The following SOX5 variants were observed in gnomAD, a reference collection of about 807,000 sequenced individuals.
SOX5 encodes the protein SRY-box transcription factor 5.
A neutral mutation model predicts 92.0 loss-of-function variants in SOX5; 9 were observed. That is an observed-to-expected ratio of 0.10 (90% CI 0.06 to 0.17). The LOEUF (loss-of-function observed/expected upper bound fraction) is 0.17, where lower values mean the gene tolerates loss of function less well. Ranked by LOEUF, SOX5 falls within the 10% of genes least tolerant of loss-of-function variation. SOX5 has a pLI of 1.00. For missense variants in SOX5, 642 were observed against 944.5 expected (o/e 0.68, Z 4.20); for synonymous variants, 344 against 336.3 (o/e 1.02, Z -0.25).
intron 1 of SOX5, among the ~76,000 whole-genome samples, chr12:23,947,088 G>A (rs1405453626): frequency 6.6e-6 from 1 of 151,794 alleles, no homozygotes. Flanking sequence ...TCTACAGGCT[G>A]GGAAGAATAA....
chr12:23,863,568 C>T (rs2096778833), intron 2 of SOX5, among the ~76,000 whole-genome samples: 1 of 152,048 alleles, frequency 6.6e-6, no homozygotes, highest in Non-Finnish European at 1.5e-5. Flanking sequence ...TTTTACTAAC[C>T]TTACTCAATT....
chr12:24,220,191 T>A (rs1481039524), intron 3 of SOX5, among the ~76,000 whole-genome samples: 3 of 152,028 alleles, frequency 2.0e-5, no homozygotes, highest in Non-Finnish European at 4.4e-5. Flanking sequence ...GTGAGATGAT[T>A]TATACTAGAT....
intron 3 of SOX5, among the ~76,000 whole-genome samples, chr12:23,769,590 G>T (rs1473482873): frequency 6.6e-6 from 1 of 152,080 alleles, no homozygotes; most frequent in Non-Finnish European, 1.5e-5. Context: ...ACATCTGTTT[G>T]TCATATACAA....
chr12:24,362,049 G>A (rs1357200028), intron 2 of SOX5, among the ~76,000 whole-genome samples: 1 of 152,200 alleles, frequency 6.6e-6, no homozygotes, highest in African/African-American at 2.4e-5. Flanking sequence ...TGACCTTTCT[G>A]TCCTATTTCC....
chr12:23,725,854 C>T (rs972115629), intron 6 of SOX5, among the ~76,000 whole-genome samples: 1 of 152,024 alleles, frequency 6.6e-6, no homozygotes, highest in African/African-American at 2.4e-5. Context: ...AAAAGTATTA[C>T]AAAAATATGG....
At chr12:24,394,324 A>G (rs1413779333) in intron 1 of SOX5, among the ~76,000 whole-genome samples, 2 of 152,162 alleles carry the variant, frequency 1.3e-5, no homozygotes, top group Non-Finnish European at 2.9e-5. Flanking sequence ...CCAGGTACAT[A>G]TTAGTTTCCC....
intron 14 of SOX5, among the ~76,000 whole-genome samples, 182 bp from the exon 15 acceptor site, chr12:23,534,704 C>CTTTTTTTTTTTT (rs60460683): frequency 1.8e-5 from 2 of 108,828 alleles, no homozygotes; most frequent in African/African-American, 3.4e-5. Context: ...CTTTTCTTTT[C>CTTTTTTTTTTTT]TTTTTTTTTT....
At chr12:23,632,333 T>C (rs888643122) in intron 8 of SOX5, 4 of 152,136 alleles carry the variant, frequency 2.6e-5, no homozygotes, top group African/African-American at 9.7e-5. Context: ...AGTTGATCAT[T>C]ATTCACCCTG....
intron 1 of SOX5, among the ~76,000 whole-genome samples, chr12:24,527,267 A>G (rs1020301868): frequency 6.6e-6 from 1 of 152,164 alleles, no homozygotes; most frequent in African/African-American, 2.4e-5. Context: ...ACCTCCCCAG[A>G]GAAGTGCTGT....
chr12:24,068,993 A>AGG (rs1293905737), intron 4 of SOX5, among the ~76,000 whole-genome samples: 6 of 151,332 alleles, frequency 4.0e-5, no homozygotes, highest in African/African-American at 1.2e-4. Flanking sequence ...AATTTGGGAA[A>AGG]AAAAAAAAAA....
intron 1 of SOX5, among the ~76,000 whole-genome samples, chr12:23,898,489 AC>A (rs1189762547): frequency 4.6e-5 from 7 of 152,166 alleles, no homozygotes; most frequent in African/African-American, 1.7e-4. Context: ...CAGAACCATG[AC>A]CTTTCTGTTG....
intron 8 of SOX5, among the ~76,000 whole-genome samples, chr12:23,640,577 C>G (rs1297337235): frequency 1.3e-5 from 2 of 152,124 alleles, no homozygotes; most frequent in Admixed American, 1.3e-4. Flanking sequence ...AGCTCACTTT[C>G]TTAATAATAC....
At chr12:24,543,232 C>T (rs1952305985) in intron 1 of SOX5, among the ~76,000 whole-genome samples, 1 of 152,198 alleles carries the variant, frequency 6.6e-6, no homozygotes, top group Non-Finnish European at 1.5e-5. Context: ...AGACTGGAAG[C>T]TCCGTAAGGG....
intron 2 of SOX5, among the ~76,000 whole-genome samples, chr12:23,853,071 G>A (rs2096649981): frequency 6.6e-6 from 1 of 151,170 alleles, no homozygotes; most frequent in African/African-American, 2.4e-5. Context: ...GGAAAAGAAG[G>A]ATAGTGGGGA....
chr12:24,441,710 GA>G (rs758970637), intron 1 of SOX5, among the ~76,000 whole-genome samples: 6 of 152,120 alleles, frequency 3.9e-5, no homozygotes, highest in African/African-American at 7.2e-5. Context: ...ACAATGGGGG[GA>G]AAAAGAAATA....
At chr12:23,638,722 G>A (rs190580435) in intron 8 of SOX5, among the ~76,000 whole-genome samples, 1 of 152,048 alleles carries the variant, frequency 6.6e-6, no homozygotes, top group East Asian at 1.9e-4. Flanking sequence ...CTGAAGTCAA[G>A]GTCAAGGGGT....
At chr12:23,717,542 C>A (rs1459401873) in intron 6 of SOX5, among the ~76,000 whole-genome samples, 2 of 152,142 alleles carry the variant, frequency 1.3e-5, no homozygotes, top group East Asian at 3.9e-4. Flanking sequence ...TTATTAAGAG[C>A]AGCTCAGGAT....
intron 1 of SOX5, among the ~76,000 whole-genome samples, chr12:23,909,007 G>A (rs1457982325): frequency 3.3e-5 from 5 of 151,136 alleles, no homozygotes; most frequent in African/African-American, 1.2e-4. Context: ...GGTTCATACT[G>A]CCACTGTGGG....
At chr12:23,618,433 C>T (rs534872963) in intron 8 of SOX5, among the ~76,000 whole-genome samples, 1 of 152,218 alleles carries the variant, frequency 6.6e-6, no homozygotes, top group East Asian at 1.9e-4. Flanking sequence ...CATTTTTAAA[C>T]AGCATTCTAA....
Sources: allele counts gnomAD v4.1 joint callset (sites outside exome capture counted in the v4.1 genomes callset), GRCh38; gene constraint gnomAD v4.1.1; transcripts MANE v1.5; gene names NCBI Gene and HGNC (gene_info 2026-07-23, HGNC 2026-07-21).